Variants in KCNIP4 observed in about 807,000 individuals in gnomAD.
KCNIP4 encodes the protein Kv channel-interacting protein 4.
KCNIP4 carries 12 observed loss-of-function variants against 34.0 expected under a neutral mutation model. The ratio of observed to expected loss-of-function variants is 0.35; its 90% CI spans 0.23 to 0.57. The LOEUF is 0.57. KCNIP4 is among the 20% of genes least tolerant of loss of function. The pLI is 0.83. For synonymous variants in KCNIP4, 124 were observed against 102.2 expected (o/e 1.21, Z -1.29); for missense variants, 238 against 311.7 (o/e 0.76, Z 1.78).
intron 1 of KCNIP4, among the ~76,000 whole-genome samples, chr4:21,068,378 G>A (rs1025240132): frequency 1.3e-5 from 2 of 151,956 alleles, no homozygotes; most frequent in African/African-American, 4.8e-5. Context: ...TCCTCAAAAC[G>A]TTCTATACAC....
In KCNIP4 at chr4:21,715,132, GTGCAGT is replaced by G. The variant is rs1382591273; in HGVS notation, c.61+233433_61+233438del. On this transcript the variant is annotated intron_variant, in intron 1 of 8. Transcript: ENST00000382152. ...GTCTGGCTGTGTCGCCCAGGCTGGA[GTGCAGT>G]GGCCCCATCTGGGCTCACTGCAAGC... Among the ~76,000 whole-genome samples the G allele has an allele frequency of 3.4e-5, 5 of 148,832 alleles. No individual in the cohort carries two copies. The East Asian group carries it at 9.9e-4, about 29-fold the overall frequency.
chr4:21,671,904 C>T (rs112175587), intron 1 of KCNIP4, among the ~76,000 whole-genome samples: 228 of 152,238 alleles, frequency 1.5e-3, no homozygotes, highest in African/African-American at 4.9e-3. Flanking sequence ...TTCAAGCAAA[C>T]GCATCCCACT....
intron 1 of KCNIP4, among the ~76,000 whole-genome samples, chr4:21,275,256 T>C (rs1028785526): frequency 2.6e-5 from 4 of 152,116 alleles, no homozygotes; most frequent in African/African-American, 9.7e-5. Flanking sequence ...AAAACCCAGG[T>C]CTCCTGACTT....
intron 1 of KCNIP4, among the ~76,000 whole-genome samples, chr4:21,581,186 A>G (rs1212567665): frequency 6.6e-6 from 1 of 152,056 alleles, no homozygotes; most frequent in African/African-American, 2.4e-5. Context: ...AAACAAAATG[A>G]AAACAAGCAC....
chr4:21,519,539 T>TGTGTATGTATGTGC (rs1735197573), intron 1 of KCNIP4, among the ~76,000 whole-genome samples: 1 of 71,396 alleles, frequency 1.4e-5, no homozygotes, highest in Non-Finnish European at 2.9e-5. Flanking sequence ...TGTGTATGTG[T>TGTGTATGTATGTGC]ATATACACAT....
chr4:21,307,169 C>T (rs1182308129), intron 1 of KCNIP4, among the ~76,000 whole-genome samples: 1 of 152,250 alleles, frequency 6.6e-6, no homozygotes, highest in East Asian at 1.9e-4. Flanking sequence ...GAGTGAGAGT[C>T]CTTCCACTTG....
intron 1 of KCNIP4, among the ~76,000 whole-genome samples, chr4:21,549,977 A>G (rs1462801349): frequency 2.6e-5 from 4 of 152,116 alleles, no homozygotes; most frequent in African/African-American, 9.7e-5. Context: ...GATTTATTCC[A>G]ATAAAAGCAA....
chr4:20,798,820 C>T (rs772813006), intron 3 of KCNIP4, among the ~76,000 whole-genome samples: 2 of 152,158 alleles, frequency 1.3e-5, no homozygotes, highest in Non-Finnish European at 2.9e-5. Context: ...ATCAGAGACT[C>T]CTACAGTCCT....
intron 1 of KCNIP4, among the ~76,000 whole-genome samples, chr4:21,429,973 G>T (rs928781053): frequency 2.0e-5 from 3 of 152,060 alleles, no homozygotes; most frequent in African/African-American, 7.2e-5. Context: ...TCACTGTGAA[G>T]ATAAAGCAAT....
At chr4:20,916,853 A>G (rs1485717148) in intron 1 of KCNIP4, among the ~76,000 whole-genome samples, 1 of 151,338 alleles carries the variant, frequency 6.6e-6, no homozygotes, top group Non-Finnish European at 1.5e-5. Flanking sequence ...GTCCTAAACT[A>G]AACTATTTTA....
At chr4:21,479,708 T>C (rs1731267483) in intron 1 of KCNIP4, among the ~76,000 whole-genome samples, 1 of 151,968 alleles carries the variant, frequency 6.6e-6, no homozygotes, top group Admixed American at 6.6e-5. Context: ...ACACGTATTC[T>C]TAGGAAAAAA....
At chr4:21,081,663 G>A (rs1560704599) in intron 1 of KCNIP4, among the ~76,000 whole-genome samples, 1 of 151,732 alleles carries the variant, frequency 6.6e-6, no homozygotes, top group African/African-American at 2.4e-5. Context: ...TGAAGTTCTA[G>A]TATAATATTT....
chr4:21,362,576 C>T (rs529980402), intron 1 of KCNIP4, among the ~76,000 whole-genome samples: 1 of 152,112 alleles, frequency 6.6e-6, no homozygotes, highest in South Asian at 2.1e-4. Flanking sequence ...ATTATGAATA[C>T]CTTCCTCTTG....
rs566857511 is a variant in KCNIP4 at position 21,658,602 on chromosome 4, C to T, written c.61+289969G>A. On this transcript the variant is annotated intron_variant, in intron 1 of 8. Transcript: ENST00000382152. ...ATTTTTAGTAGAGACGGGGTTTCAC[C>T]ATGTTGGCCAGGCTGGTCTTGGACT... Among the ~76,000 whole-genome samples the T allele has an allele frequency of 1.1e-4, 17 of 152,204 alleles. No individual in the cohort carries two copies. The South Asian group carries it at 3.3e-3, about 30-fold the overall frequency.
chr4:21,604,705 T>A (rs574894731), intron 1 of KCNIP4, among the ~76,000 whole-genome samples: 1 of 152,320 alleles, frequency 6.6e-6, no homozygotes, highest in East Asian at 1.9e-4. Flanking sequence ...CTGAAAAATA[T>A]AAATTGGATG....
At chr4:21,181,100 A>C (rs183486575) in intron 1 of KCNIP4, among the ~76,000 whole-genome samples, 1 of 152,276 alleles carries the variant, frequency 6.6e-6, no homozygotes, top group East Asian at 1.9e-4. Flanking sequence ...AACCTGCTGC[A>C]GTAGAGGCAC....
intron 1 of KCNIP4, among the ~76,000 whole-genome samples, chr4:21,097,912 T>G (rs1432600910): frequency 6.6e-6 from 1 of 152,132 alleles, no homozygotes; most frequent in African/African-American, 2.4e-5. Flanking sequence ...GCTAGGACTC[T>G]TGGGCCAAAC....
intron 1 of KCNIP4, among the ~76,000 whole-genome samples, chr4:21,361,252 C>CAAAAAA (rs1719188579): frequency 6.6e-6 from 1 of 151,840 alleles, no homozygotes; most frequent in Non-Finnish European, 1.5e-5. Context: ...TTTTTTGATT[C>CAAAAAA]TTCAGATTCT....
At chr4:20,809,154 T>C (rs1715426730) in intron 3 of KCNIP4, among the ~76,000 whole-genome samples, 1 of 152,220 alleles carries the variant, frequency 6.6e-6, no homozygotes, top group South Asian at 2.1e-4. Context: ...ATTTATTTAG[T>C]TGCCTAATTT....
Sources: gnomAD v4.1 joint callset for allele counts (sites outside exome capture counted in the v4.1 genomes callset) on GRCh38, gnomAD v4.1.1 for gene constraint, MANE v1.5 for transcripts, NCBI Gene and HGNC (gene_info 2026-07-23, HGNC 2026-07-21) for gene names.